GIGYF2: variants seen among roughly 807,000 people sequenced by gnomAD.
GIGYF2 encodes GRB10 interacting GYF protein 2.
GIGYF2 carries 25 observed loss-of-function variants against 208.1 expected under a neutral mutation model. That is an observed-to-expected ratio of 0.12 (90% CI 0.09 to 0.17). The LOEUF (loss-of-function observed/expected upper bound fraction) is 0.17. Ranked by LOEUF, GIGYF2 falls within the 10% of genes least tolerant of loss-of-function variation. The probability of loss-of-function intolerance (pLI) is 1.00; values close to 1 mark genes in which losing one functional copy is unlikely to be tolerated. For synonymous variants in GIGYF2, 534 were observed against 543.8 expected (o/e 0.98, Z 0.25); for missense variants, 1,302 against 1,579.4 (o/e 0.82, Z 2.98).
Position 232,857,073 on chromosome 2 carries a change from A to C in GIGYF2, c.*213A>C. The C allele has an allele frequency of 1.7e-6, 1 of 595,054 alleles. No individual in the cohort carries two copies. Among genetic ancestry groups the C allele is most frequent in the Non-Finnish European group, 3.0e-6 (1 of 331,104 alleles). 36.9% of individuals were successfully genotyped at this position (595,054 alleles called of 1,614,324 possible). On this transcript the variant is annotated 3_prime_UTR_variant, in exon 29 of 29. Transcript: ENST00000373563. ...CTCAGACTATAGATAAGTGGACTGG[A>C]CCCTGTGTCTTGGGGGTGGCAGTTG...
At chr2:232,714,502 T>A (rs2106261878) in intron 2 of GIGYF2, among the ~76,000 whole-genome samples, 1 of 152,278 alleles carries the variant, frequency 6.6e-6, no homozygotes, top group South Asian at 2.1e-4. Context: ...AAGTTTAGTC[T>A]TTTTAAAAAA....
intron 5 of GIGYF2, 42 bp from the exon 6 acceptor site, chr2:232,756,181 T>C (rs769785565): frequency 8.1e-7 from 1 of 1,228,050 alleles, no homozygotes. Context: ...TTTTTCTTTC[T>C]TTTTTTCCTT....
chr2:232,767,245 AC>A (rs1441503089), intron 8 of GIGYF2: 1 of 152,170 alleles, frequency 6.6e-6, no homozygotes, highest in Non-Finnish European at 1.5e-5. Context: ...TGCTTTATCT[AC>A]TGTAGATTTT....
At chr2:232,716,099 G>C (rs1180386710) in intron 2 of GIGYF2, among the ~76,000 whole-genome samples, 1 of 152,060 alleles carries the variant, frequency 6.6e-6, no homozygotes, top group Non-Finnish European at 1.5e-5. Context: ...ACTGTGTGCA[G>C]ATGTTACTAT....
At chr2:232,748,959 T>C (rs755303613) in intron 4 of GIGYF2, 28 bp from the exon 5 acceptor site, 1 of 969,432 alleles carries the variant, frequency 1.0e-6, no homozygotes, top group Non-Finnish European at 1.7e-6. Context: ...ATAGCATTAA[T>C]CTCATAATCA....
intron 2 of GIGYF2, among the ~76,000 whole-genome samples, chr2:232,728,352 T>C (rs988005518): frequency 6.6e-6 from 1 of 152,164 alleles, no homozygotes; most frequent in Admixed American, 6.5e-5. Context: ...GGAAAATTGA[T>C]CTTGAGGCCC....
chr2:232,840,029 C>G, intron 23 of GIGYF2, 58 bp downstream of exon 23: 1 of 1,527,836 alleles, frequency 6.5e-7, no homozygotes, highest in Non-Finnish European at 9.1e-7. Context: ...ATCTAGCATG[C>G]ATTATGGGTT....
chr2:232,795,974 C>CA (rs200648825), intron 13 of GIGYF2, 88 bp from the exon 14 acceptor site: 230 of 924,904 alleles, frequency 2.5e-4, no homozygotes, highest in Non-Finnish European at 3.4e-4. Context: ...TCAAGTAGTC[C>CA]AAAAAAAAGG....
At chr2:232,736,628 T>C (rs1697745171) in intron 3 of GIGYF2, 1 of 152,214 alleles carries the variant, frequency 6.6e-6, no homozygotes, top group Admixed American at 6.5e-5. Context: ...GATTTTTCAT[T>C]ATAAAAATAT....
intron 20 of GIGYF2, 75 bp downstream of exon 20, chr2:232,817,107 A>G (rs1468039735): frequency 7.3e-6 from 8 of 1,090,708 alleles, no homozygotes; most frequent in Non-Finnish European, 1.1e-5. Context: ...TCATCATTTC[A>G]CAGATACTCC....
chr2:232,728,703 C>G (rs1450312596), intron 2 of GIGYF2, among the ~76,000 whole-genome samples: 2 of 152,144 alleles, frequency 1.3e-5, no homozygotes, highest in Admixed American at 6.5e-5. Flanking sequence ...GTTTTAATTG[C>G]TGTTGTTAAA....
chr2:232,803,686 T>TGA lies in GIGYF2; in HGVS notation c.1640-2805_1640-2804insGA, dbSNP rs1261728094. ...TCTATTTCTGCTTCTTTTTTTTTTT[T>TGA]TTTTTTTTTTTTGAGACGGAGTCTC... On this transcript the variant is annotated intron_variant, in intron 14 of 28. Coordinates refer to ENST00000373563, the MANE Select transcript of GIGYF2 (RefSeq NM_001103146.3). Among the ~76,000 whole-genome samples, 22 of 13,508 alleles carry TGA rather than the reference T, an allele frequency of 1.6e-3. 6 individuals carry two copies. The East Asian group carries it at 0.078, about 48-fold the overall frequency. 8.9% of individuals were successfully genotyped at this position (13,508 alleles called of 152,430 possible).
At chr2:232,817,769 A>G (rs1428863793) in intron 20 of GIGYF2, among the ~76,000 whole-genome samples, 1 of 152,194 alleles carries the variant, frequency 6.6e-6, no homozygotes, top group African/African-American at 2.4e-5. Context: ...TTGTTTATCC[A>G]TTCCTCTGTT....
chr2:232,800,358 C>G (rs75952728), intron 14 of GIGYF2, among the ~76,000 whole-genome samples: 1,992 of 152,168 alleles, frequency 0.013, 34 homozygotes, highest in African/African-American at 0.045. Flanking sequence ...TCCAATTTTC[C>G]AAATACCGTT....
At chr2:232,798,101 C>T (rs956272054) in intron 14 of GIGYF2, among the ~76,000 whole-genome samples, 1 of 151,548 alleles carries the variant, frequency 6.6e-6, no homozygotes, top group African/African-American at 2.4e-5. Flanking sequence ...TTGTTAACCT[C>T]TAGCAATGAC....
At chr2:232,817,264 T>A (rs1283438739) in intron 20 of GIGYF2, among the ~76,000 whole-genome samples, 2 of 152,186 alleles carry the variant, frequency 1.3e-5, no homozygotes, top group Non-Finnish European at 2.9e-5. Flanking sequence ...TTCCTAGAGT[T>A]TTATAAACCA....
Position 232,845,586 on chromosome 2 carries a change from T to A in GIGYF2, c.3306-146T>A, listed in dbSNP as rs866474347. On this transcript the variant is annotated intron_variant, in intron 25 of 28. Transcript: ENST00000373563. ...TAAGGGTATATCCAATCCAAATATTTGAATTTTTTTCTTTTTTGGAGCCAA... is the reference window on the plus strand; with the variant it reads ...TAAGGGTATATCCAATCCAAATATTAGAATTTTTTTCTTTTTTGGAGCCAA... 106 of 706,090 alleles carry A rather than the reference T, an allele frequency of 1.5e-4. 1 individual carries two copies. Among genetic ancestry groups the A allele is most frequent in the South Asian group, 1.3e-3 (77 of 61,010 alleles). 43.7% of individuals were successfully genotyped at this position (706,090 alleles called of 1,614,324 possible). A position where few individuals can be genotyped will look rare whatever the true frequency, so the allele number is the denominator to read the frequency against.
At chr2:232,739,978 C>T (rs1697910383) in intron 3 of GIGYF2, among the ~76,000 whole-genome samples, 1 of 148,546 alleles carries the variant, frequency 6.7e-6, no homozygotes, top group Admixed American at 6.8e-5. Flanking sequence ...ATTAGCTGGG[C>T]ATGGTGGTGT....
At chr2:232,840,050 G>C in intron 23 of GIGYF2, 79 bp downstream of exon 23, 3 of 1,369,648 alleles carry the variant, frequency 2.2e-6, no homozygotes. Context: ...AGTGGTTACT[G>C]AGGACAATTA....
Sources: allele counts gnomAD v4.1 joint callset (sites outside exome capture counted in the v4.1 genomes callset), GRCh38; gene constraint gnomAD v4.1.1; transcripts MANE v1.5; gene names NCBI Gene and HGNC (gene_info 2026-07-23, HGNC 2026-07-21).